Variants in GUCY2D observed in about 807,000 individuals in gnomAD.
GUCY2D encodes the protein guanylate cyclase 2D, retinal.
GUCY2D carries 70 observed loss-of-function variants against 101.3 expected under a neutral mutation model. The ratio of observed to expected loss-of-function variants is 0.69; its 90% CI spans 0.57 to 0.84. The LOEUF is 0.84. Ranked by LOEUF, GUCY2D falls within the 40% of genes least tolerant of loss-of-function variation. The pLI is 0.00. For missense variants in GUCY2D, 1,460 were observed against 1,542.5 expected (o/e 0.95, Z 0.90); for synonymous variants, 688 against 670.7 (o/e 1.03, Z -0.40).
intron 19 of GUCY2D, among the ~76,000 whole-genome samples, chr17:8,019,375 TC>T (rs1467284982): frequency 6.6e-6 from 1 of 152,180 alleles, no homozygotes; most frequent in African/African-American, 2.4e-5. Flanking sequence ...GCAGGGCTCC[TC>T]CCGGAAGCAG....
At chr17:8,012,659 G>C in intron 10 of GUCY2D, 53 bp downstream of exon 10, 1 of 1,455,342 alleles carries the variant, frequency 6.9e-7, no homozygotes, top group Non-Finnish European at 9.6e-7. Context: ...TTATTTCAAG[G>C]GCTTCTCCCC....
intron 17 of GUCY2D, 86 bp from the exon 18 acceptor site, chr17:8,016,119 C>T (rs555980737): frequency 7.5e-7 from 1 of 1,340,838 alleles, no homozygotes; most frequent in Non-Finnish European, 1.0e-6. Context: ...CCCTTCTGAC[C>T]TGGTCTCCCA....
intron 8 of GUCY2D, 59 bp downstream of exon 8, chr17:8,009,645 C>A (rs933391884): frequency 3.7e-6 from 4 of 1,084,676 alleles, no homozygotes; most frequent in African/African-American, 3.1e-5. Flanking sequence ...TCCTTGCCTT[C>A]TCTTTGCAGC....
intron 8 of GUCY2D, among the ~76,000 whole-genome samples, chr17:8,010,512 T>G (rs1394494703): frequency 6.6e-6 from 1 of 152,008 alleles, no homozygotes; most frequent in Non-Finnish European, 1.5e-5. Flanking sequence ...ACCAGGTGTT[T>G]AAAATGAAAA....
chr17:8,015,342 G>C lies in GUCY2D; in HGVS notation c.2784G>C (p.Gly928=), dbSNP rs763444638. 50 of 1,607,456 alleles carry C rather than the reference G, an allele frequency of 3.1e-5. No homozygotes were observed. The highest frequency in any genetic ancestry group is 4.1e-5 in the Non-Finnish European group (48 of 1,179,872). Residue 928 remains glycine, a synonymous_variant, in exon 15 of 20, where the codon GGG becomes GGC. Coordinates refer to ENST00000254854, the MANE Select transcript of GUCY2D (RefSeq NM_000180.4). ...SHDVYKVETI[G]DAYMVASGLP... ...TCTTCCCCCAGGTGGAGACAATAGG[G>C]GACGCCTATATGGTGGCCTCGGGGC...
At chr17:8,018,916 G>T (rs1976024048) in intron 19 of GUCY2D, among the ~76,000 whole-genome samples, 1 of 151,598 alleles carries the variant, frequency 6.6e-6, no homozygotes, top group African/African-American at 2.4e-5. Context: ...AAGGAAGAAT[G>T]TATCAAACAT....
chr17:8,014,958 C>T lies in GUCY2D; in HGVS notation c.2676C>T (p.Ile892=), dbSNP rs140661218. Residue 892 remains isoleucine (I), a synonymous_variant, in exon 14 of 20, where the codon ATC becomes ATT. Coordinates refer to ENST00000254854, the MANE Select transcript of GUCY2D (RefSeq NM_000180.4). This position sits in a 1 kb window ranked among gnomAD's most constrained non-coding sequence, Gnocchi z 4.0. ...YFSDIVGFTT[I]SAMSEPIEVV... is the part of the protein sequence containing the mutation. Reference sequence around the variant, plus strand: ...GTGACATTGTGGGCTTCACCACCATCTCTGCCATGAGTGAGCCCATTGAGG... The same window carrying T: ...GTGACATTGTGGGCTTCACCACCATTTCTGCCATGAGTGAGCCCATTGAGG... 4.0e-5 allele frequency: 65 copies of T among 1,613,996 alleles called. No homozygotes were observed. The African/African-American group carries it at 7.3e-4, about 18-fold the overall frequency.
At chr17:8,007,279 G>A in intron 5 of GUCY2D, 135 bp downstream of exon 5, 1 of 907,908 alleles carries the variant, frequency 1.1e-6, no homozygotes, top group Non-Finnish European at 1.8e-6. Context: ...TGGTGGGCTG[G>A]TAGAGTCCCA....
Position 8,012,221 on chromosome 17 carries a change from C to T in GUCY2D, c.1827C>T (p.Ala609=), listed in dbSNP as rs902356553. 6.2e-7 allele frequency: 1 copy of T among 1,614,084 alleles called. No individual in the cohort carries two copies. Among genetic ancestry groups the T allele is most frequent in the East Asian group, 2.2e-5 (1 of 44,878 alleles). ...CTCGGGGAGCAGAAGGCCCTGCGGC[C>T]CTCTGGGAGGGCAACCTGGCTGTGG... ...FLARGAEGPA[A]LWEGNLAVVS... The change falls in exon 9 of 20, where the codon GCC becomes GCT. Residue 609 remains alanine, a synonymous_variant. Coordinates refer to ENST00000254854, the MANE Select transcript of GUCY2D (RefSeq NM_000180.4).
chr17:8,019,589 A>G (rs1249961083), intron 19 of GUCY2D, among the ~76,000 whole-genome samples: 1 of 152,104 alleles, frequency 6.6e-6, no homozygotes, highest in Non-Finnish European at 1.5e-5. Flanking sequence ...ATCTAGTGGG[A>G]GAAGAGAAGG....
At chr17:8,016,067 A>G in intron 17 of GUCY2D, 46 bp downstream of exon 17, 2 of 1,510,926 alleles carry the variant, frequency 1.3e-6, no homozygotes, top group African/African-American at 1.4e-5. Flanking sequence ...CCCTGTCCTG[A>G]GGCACCGCCC....
At position 8,009,558 on chromosome 17, in the gene GUCY2D, G is replaced by T; in HGVS notation, c.1721G>T (p.Arg574Leu). ...CCAGGGGATCAGCACATAGCTATCC[G>T]CCCAGCAACCAAGACGGCCTTCTCC... is the stretch of plus-strand genomic sequence containing the variant. Reference protein sequence around the residue: ...KFPGDQHIAIRPATKTAFSKL... With the variant: ...KFPGDQHIAILPATKTAFSKL... The change falls in exon 8 of 20, where the codon CGC (arginine) becomes CTC (leucine). Residue 574 changes from arginine to leucine, a missense_variant. Around this residue, in one of 3 missense-constraint regions of GUCY2D, gnomAD observed 1,196 missense variants for 1,229.6 expected, o/e 0.97. Coordinates refer to ENST00000254854, the MANE Select transcript of GUCY2D (RefSeq NM_000180.4). The T allele has an allele frequency of 6.2e-7, 1 of 1,613,548 alleles. No homozygotes were observed. Among genetic ancestry groups the T allele is most frequent in the Non-Finnish European group, 8.5e-7 (1 of 1,179,480 alleles).
At position 8,012,469 on chromosome 17, in the gene GUCY2D, A is replaced by G. The variant is rs779870173; in HGVS notation, c.1976A>G (p.His659Arg). 6.2e-7 allele frequency: 1 copy of G among 1,614,116 alleles called. No individual in the cohort carries two copies. The highest frequency in any genetic ancestry group is 1.1e-5 in the South Asian group (1 of 91,088). ...TCCAAGGGAATAAGGTATCTGCACC[A>G]TCGAGGCGTGGCTCATGGGCGGCTG... ...DLIKGIRYLH[H>R]RGVAHGRLKS... Residue 659 changes from histidine to arginine, a missense_variant, in exon 10 of 20, where the codon CAT (histidine) becomes CGT (arginine). Physicochemically the swap from His to Arg is conservative, Grantham distance 29. Coordinates refer to ENST00000254854, the MANE Select transcript of GUCY2D (RefSeq NM_000180.4).
In GUCY2D at chr17:8,006,420, G is replaced by A. The variant is rs61749677; in HGVS notation, c.1084G>A (p.Ala362Thr). 17 of 1,602,742 alleles carry A rather than the reference G, an allele frequency of 1.1e-5. No homozygotes were observed. Among genetic ancestry groups the A allele is most frequent in the Admixed American group, 1.0e-4 (6 of 60,008 alleles). ...DAVFLLARGV[A>T]EARAAAGGRW... ...GGTCTTCTTGCTGGCAAGGGGCGTG[G>A]CAGAAGCGCGGGCTGCCGCAGGTGG... Residue 362 changes from alanine to threonine, a missense_variant, in exon 4 of 20, where the codon GCA (alanine) becomes ACA (threonine). Ala to Thr is a moderately conservative substitution (Grantham distance 58). This residue lies in a region of GUCY2D where 1,196 missense variants were observed against 1,229.6 expected (regional missense o/e 0.97). Coordinates refer to ENST00000254854, the MANE Select transcript of GUCY2D (RefSeq NM_000180.4).
In GUCY2D at chr17:8,008,046, C is replaced by T; in HGVS notation, c.1668+14C>T. 6.6e-7 allele frequency: 1 copy of T among 1,514,430 alleles called. No individual in the cohort carries two copies. Among genetic ancestry groups the T allele is most frequent in the Non-Finnish European group, 9.2e-7 (1 of 1,090,220 alleles). The allele number at this position is 1,514,430 out of a possible 1,614,324, so 93.8% of individuals were successfully genotyped here. A position where few individuals can be genotyped will look rare whatever the true frequency, so the allele number is the denominator to read the frequency against. On this transcript the variant is annotated intron_variant, in intron 7 of 19. Transcript: ENST00000254854. ...GGTGTCTATGAGGTGAGCCTGACCC[C>T]AGCCAGACAGAGAGACAGTGGGGGA...
rs1037032196 is a variant in GUCY2D at position 8,011,624 on chromosome 17, A to G, written c.1750-520A>G. ...GATCATTTGAAGCCAGGAGTTCAAGACCAGCCTGGGCAACATAGCAAGGCT... is the reference window on the plus strand; with the variant it reads ...GATCATTTGAAGCCAGGAGTTCAAGGCCAGCCTGGGCAACATAGCAAGGCT... On this transcript the variant is annotated intron_variant, in intron 8 of 19. Transcript: ENST00000254854. This position sits in a 1 kb window ranked among gnomAD's most constrained non-coding sequence, Gnocchi z 4.3. 1.3e-5 allele frequency among the ~76,000 whole-genome samples: 2 copies of G among 152,050 alleles called. No individual in the cohort carries two copies. The highest frequency in any genetic ancestry group is 2.1e-4 in the South Asian group (1 of 4,824).
chr17:8,019,891 G>C (rs915485702), intron 19 of GUCY2D, among the ~76,000 whole-genome samples: 1 of 152,104 alleles, frequency 6.6e-6, no homozygotes, highest in Non-Finnish European at 1.5e-5. Flanking sequence ...TGGTCACTGG[G>C]CATCCCCCAC....
rs199611541 is a variant in GUCY2D, at chr17:8,016,013, G to A, written c.3130G>A (p.Glu1044Lys). 1.9e-5 allele frequency: 30 copies of A among 1,607,372 alleles called. No homozygotes were observed. Among genetic ancestry groups the A allele is most frequent in the African/African-American group, 4.0e-5 (3 of 75,010 alleles). The change falls in exon 17 of 20, where the codon GAG (glutamate) becomes AAG (lysine). Residue 1044 changes from glutamate (E) to lysine (K), a missense_variant. Physicochemically the swap from Glu to Lys is moderately conservative, Grantham distance 56. This residue lies in a region of GUCY2D where 215 missense variants were observed against 227.9 expected (regional missense o/e 0.94). Coordinates refer to ENST00000254854, the MANE Select transcript of GUCY2D (RefSeq NM_000180.4). ...GYQVELRGRT[E>K]LKGKGAEDTF... ...CCAGGTGGAGCTGCGAGGCCGCACGGAGCTGAAGGTGAGGCAGGGCCCCAA... is the reference window on the plus strand; with the variant it reads ...CCAGGTGGAGCTGCGAGGCCGCACGAAGCTGAAGGTGAGGCAGGGCCCCAA...
In GUCY2D at chr17:8,003,979, C is replaced by T. The variant is rs143745703; in HGVS notation, c.849C>T (p.Tyr283=). 1.9e-6 allele frequency: 3 copies of T among 1,613,734 alleles called. No homozygotes were observed. Among genetic ancestry groups the T allele is most frequent in the African/African-American group, 1.3e-5 (1 of 75,066 alleles). Residue 283 remains tyrosine (Y), a synonymous_variant, in exon 3 of 20, where the codon TAC becomes TAT. Transcript: ENST00000254854. The part of the protein sequence containing the change: ...LVFLPFDTIH[Y]ALSPGPEALA... Reference sequence around the variant, plus strand: ...TCCTGCCCTTCGACACGATCCACTACGCCTTGTCCCCAGGCCCGGAGGCCT... The same window carrying T: ...TCCTGCCCTTCGACACGATCCACTATGCCTTGTCCCCAGGCCCGGAGGCCT...
Sources: allele counts gnomAD v4.1 joint callset (sites outside exome capture counted in the v4.1 genomes callset), GRCh38; gene constraint gnomAD v4.1.1; regional missense constraint gnomAD v4.1.1; non-coding constraint Gnocchi (gnomAD v3.1); transcripts MANE v1.5; gene names NCBI Gene and HGNC (gene_info 2026-07-23, HGNC 2026-07-21).